Variants in PTPRR observed in about 807,000 individuals in gnomAD.
PTPRR encodes the protein receptor-type tyrosine-protein phosphatase R.
A neutral mutation model predicts 77.2 loss-of-function variants in PTPRR; 38 were observed. The ratio of observed to expected loss-of-function variants is 0.49; its 90% CI spans 0.38 to 0.65. The LOEUF is 0.65. Ranked by LOEUF, PTPRR falls within the 30% of genes least tolerant of loss-of-function variation. The pLI, the probability that PTPRR is intolerant of heterozygous loss-of-function variation, is 0.00. For missense variants in PTPRR, 744 were observed against 799.2 expected, an observed-to-expected ratio of 0.93 and a Z score of 0.83; for synonymous variants, 299 against 283.1, an observed-to-expected ratio of 1.06 and a Z score of -0.57.
rs1267553647 is a variant in PTPRR, at chr12:70,638,674, TATCA to T, written c.*506_*509del. The T allele has an allele frequency of 1.3e-5, 2 of 152,388 alleles. No homozygotes were observed. The highest frequency in any genetic ancestry group is 4.8e-5 in the African/African-American group (2 of 41,464). 9.4% of individuals were successfully genotyped at this position (152,388 alleles called of 1,614,324 possible). ...AAAGACTTCTCTGTTAAAAATCCAT[TATCA>T]ATCACTTGCAACTTTAGCAGCAAGA... is the stretch of plus-strand genomic sequence containing the variant. On this transcript the variant is annotated 3_prime_UTR_variant, in exon 14 of 14. Transcript: ENST00000283228.
At chr12:70,858,033 T>C (rs1257864374) in intron 2 of PTPRR, among the ~76,000 whole-genome samples, 1 of 152,094 alleles carries the variant, frequency 6.6e-6, no homozygotes, top group East Asian at 1.9e-4. Flanking sequence ...ATATTCTCTC[T>C]GCACCACTCT....
chr12:70,840,151 A>G (rs1050822443), intron 2 of PTPRR, among the ~76,000 whole-genome samples: 6 of 152,130 alleles, frequency 3.9e-5, no homozygotes, highest in African/African-American at 1.4e-4. Context: ...CTAAAATCAA[A>G]GTATCACTGG....
At chr12:70,765,989 A>G (rs113954072) in intron 2 of PTPRR, among the ~76,000 whole-genome samples, 29,503 of 152,134 alleles carry the variant, frequency 0.19, 3,685 homozygotes, top group African/African-American at 0.35. Flanking sequence ...AACAGAAAGG[A>G]CATCCACACC....
At chr12:70,672,094 C>G in intron 10 of PTPRR, 3 of 1,377,146 alleles carry the variant, frequency 2.2e-6, no homozygotes, top group Non-Finnish European at 3.1e-6. Flanking sequence ...ATGCCTTTGA[C>G]TCTATGCTCC....
intron 6 of PTPRR, among the ~76,000 whole-genome samples, chr12:70,714,090 C>T (rs1193090443): frequency 6.6e-6 from 1 of 152,002 alleles, no homozygotes; most frequent in South Asian, 2.1e-4. Context: ...AAGTAGATAC[C>T]TGAAGGTATC....
intron 2 of PTPRR, among the ~76,000 whole-genome samples, chr12:70,805,711 A>T (rs141229155): frequency 5.1e-4 from 77 of 152,326 alleles, no homozygotes; most frequent in African/African-American, 1.9e-3. Context: ...GTCTCATTTA[A>T]TCCTTGCAAC....
At chr12:70,676,576 T>A (rs1279566645) in intron 10 of PTPRR, among the ~76,000 whole-genome samples, 1 of 152,088 alleles carries the variant, frequency 6.6e-6, no homozygotes, top group East Asian at 1.9e-4. Context: ...TTAATTTTAT[T>A]TTAATTGACA....
Position 70,656,689 on chromosome 12 carries a change from C to T in PTPRR, c.1880+15G>A, listed in dbSNP as rs1335976286. The T allele has an allele frequency of 1.3e-6, 2 of 1,572,288 alleles. No individual in the cohort carries two copies. The highest frequency in any genetic ancestry group is 2.2e-5 in the East Asian group (1 of 44,682). On this transcript the variant is annotated intron_variant, in intron 13 of 13. Coordinates refer to ENST00000283228, the MANE Select transcript of PTPRR (RefSeq NM_002849.4). ...TGAAAACAGTGCTCTGAAGGCAAGC[C>T]TCTGTGACACTCACCTATCCATACG...
Position 70,638,464 on chromosome 12 carries a change from T to C in PTPRR, c.*720A>G, listed in dbSNP as rs1035266913. ...CGATGTGGAAATACAGTGGATAGAG[T>C]TCTGGAGCAGAAGCCACCTTTATGC... On this transcript the variant is annotated 3_prime_UTR_variant, in exon 14 of 14. Transcript: ENST00000283228. The C allele has an allele frequency of 1.3e-5, 2 of 152,380 alleles. No homozygotes were observed. Among genetic ancestry groups the C allele is most frequent in the Non-Finnish European group, 2.9e-5 (2 of 67,974 alleles). The allele number at this position is 152,380 out of a possible 1,614,324, so 9.4% of individuals were successfully genotyped here.
At chr12:70,866,796 A>G (rs1892859203) in intron 2 of PTPRR, among the ~76,000 whole-genome samples, 7 of 152,144 alleles carry the variant, frequency 4.6e-5, no homozygotes, top group Admixed American at 4.6e-4. Context: ...AAATACTGGC[A>G]AAACGAATCC....
At chr12:70,810,777 T>C (rs193015069) in intron 2 of PTPRR, among the ~76,000 whole-genome samples, 12 of 152,240 alleles carry the variant, frequency 7.9e-5, no homozygotes, top group African/African-American at 2.9e-4. Flanking sequence ...TCTTTCTCCT[T>C]AACAAAATAG....
At chr12:70,872,291 G>A (rs1331313809) in intron 2 of PTPRR, among the ~76,000 whole-genome samples, 2 of 152,030 alleles carry the variant, frequency 1.3e-5, no homozygotes, top group African/African-American at 2.4e-5. Context: ...TTGAGCATGT[G>A]GACACTGGAA....
At chr12:70,692,036 T>A in intron 8 of PTPRR, among the ~76,000 whole-genome samples, 1 of 152,336 alleles carries the variant, frequency 6.6e-6, no homozygotes, top group East Asian at 1.9e-4. Flanking sequence ...ATATGACTTA[T>A]AAATTAAGTC....
chr12:70,842,634 T>C (rs2137061190), intron 2 of PTPRR, among the ~76,000 whole-genome samples: 1 of 152,346 alleles, frequency 6.6e-6, no homozygotes, highest in Middle Eastern at 3.4e-3. Context: ...CTCCTTCTTG[T>C]GTCTTGTCTT....
chr12:70,824,389 A>C (rs1333726289), intron 2 of PTPRR, among the ~76,000 whole-genome samples: 1 of 151,776 alleles, frequency 6.6e-6, no homozygotes, highest in Non-Finnish European at 1.5e-5. Flanking sequence ...CAATCCTTTA[A>C]TTTTTTTTTA....
chr12:70,732,719 C>T (rs1272653812), intron 6 of PTPRR, among the ~76,000 whole-genome samples: 1 of 147,144 alleles, frequency 6.8e-6, no homozygotes, highest in Non-Finnish European at 1.5e-5. Flanking sequence ...CGTCACCACG[C>T]CTGGCTAATT....
intron 6 of PTPRR, among the ~76,000 whole-genome samples, chr12:70,736,418 G>A (rs1224997463): frequency 6.6e-6 from 1 of 152,074 alleles, no homozygotes; most frequent in Non-Finnish European, 1.5e-5. Context: ...CAGATTATAG[G>A]TGTGTACGCC....
chr12:70,774,001 A>T (rs1253875297), intron 2 of PTPRR, among the ~76,000 whole-genome samples: 1 of 152,152 alleles, frequency 6.6e-6, no homozygotes, highest in Non-Finnish European at 1.5e-5. Flanking sequence ...AGACTAGAAA[A>T]ACTCAGTACA....
intron 6 of PTPRR, among the ~76,000 whole-genome samples, chr12:70,723,088 A>G (rs986224472): frequency 6.6e-6 from 1 of 152,298 alleles, no homozygotes; most frequent in South Asian, 2.1e-4. Context: ...AGTTCAGCCA[A>G]AAGGGAAGAA....
Sources: gnomAD v4.1 joint callset for allele counts (sites outside exome capture counted in the v4.1 genomes callset) on GRCh38, gnomAD v4.1.1 for gene constraint, MANE v1.5 for transcripts, NCBI Gene and HGNC (gene_info 2026-07-23, HGNC 2026-07-21) for gene names.